Variants in LDAH observed in about 807,000 individuals in gnomAD.
LDAH encodes the protein lipid droplet associated hydrolase, also known as lipid droplet-associated hydrolase.
Under a neutral mutation model 29.6 loss-of-function variants are expected in LDAH, and 26 were observed. The ratio of observed to expected loss-of-function variants is 0.88; its 90% confidence interval spans 0.64 to 1.22. The LOEUF is 1.22. Ranked by LOEUF, LDAH falls within the 50% of genes most tolerant of loss-of-function variation. The pLI is 0.00. For synonymous variants in LDAH, 117 were observed against 133.0 expected, an observed-to-expected ratio of 0.88 and a Z score of 0.83; for missense variants, 344 against 387.3, an observed-to-expected ratio of 0.89 and a Z score of 0.94.
chr2:20,726,706 G>C (rs148305966), intron 5 of LDAH, among the ~76,000 whole-genome samples: 1 of 152,246 alleles, frequency 6.6e-6, no homozygotes, highest in East Asian at 1.9e-4. Context: ...ATGTTTCGTA[G>C]TCAACATAGT....
intron 4 of LDAH, among the ~76,000 whole-genome samples, chr2:20,774,169 T>G (rs75831769): frequency 6.6e-6 from 1 of 152,264 alleles, no homozygotes; most frequent in South Asian, 2.1e-4. Flanking sequence ...ACAATTTTTT[T>G]GTTTTGTTTT....
intron 1 of LDAH, among the ~76,000 whole-genome samples, chr2:20,817,781 A>C (rs944339292): frequency 1.3e-5 from 2 of 152,186 alleles, no homozygotes; most frequent in African/African-American, 4.8e-5. Flanking sequence ...ATGGTTAAAC[A>C]AACTGTAGCA....
At chr2:20,724,861 G>A (rs1040262595) in intron 5 of LDAH, among the ~76,000 whole-genome samples, 2 of 152,202 alleles carry the variant, frequency 1.3e-5, no homozygotes, top group Admixed American at 1.3e-4. Flanking sequence ...CCACTAGTAT[G>A]ATTCATATTA....
chr2:20,804,703 T>C (rs558337662), intron 1 of LDAH, among the ~76,000 whole-genome samples: 1 of 152,316 alleles, frequency 6.6e-6, no homozygotes, highest in African/African-American at 2.4e-5. Flanking sequence ...TTTATTCTGT[T>C]AATTTAGTGA....
rs746137465 is a variant in LDAH at position 20,801,334 on chromosome 2, T to C, written c.130A>G (p.Lys44Glu). ...CCAGGAATAATGAAAATAAGCAGCT[T>C]AGGCCTTTTGACACTTTGATCATGA... ...LFHDQSVKRP[K>E]LLIFIIPGNP... is the part of the protein sequence containing the mutation. The change falls in exon 2 of 7, where the codon AAG becomes GAG. Residue 44 changes from lysine to glutamate, a missense_variant. Physicochemically the swap from Lys to Glu is moderately conservative, Grantham distance 56. Coordinates refer to ENST00000237822, the MANE Select transcript of LDAH (RefSeq NM_021925.4). 5 of 1,613,988 alleles carry C rather than the reference T, an allele frequency of 3.1e-6. No homozygotes were observed. Among genetic ancestry groups the C allele is most frequent in the African/African-American group, 1.3e-5 (1 of 74,936 alleles).
chr2:20,802,218 C>T (rs1470357066), intron 1 of LDAH, among the ~76,000 whole-genome samples: 1 of 151,954 alleles, frequency 6.6e-6, no homozygotes, highest in Non-Finnish European at 1.5e-5. Flanking sequence ...TACCACCACG[C>T]CTGGCTAATT....
At chr2:20,701,994 T>C (rs1663977610) in intron 5 of LDAH, among the ~76,000 whole-genome samples, 1 of 152,150 alleles carries the variant, frequency 6.6e-6, no homozygotes, top group African/African-American at 2.4e-5. Context: ...AAGTACAAAT[T>C]GTTACCAATA....
chr2:20,718,954 A>T (rs1360602108), intron 5 of LDAH, among the ~76,000 whole-genome samples: 1 of 150,824 alleles, frequency 6.6e-6, no homozygotes, highest in African/African-American at 2.4e-5. Context: ...TTTTTTAAAA[A>T]CTCTTAAAAC....
intron 1 of LDAH, among the ~76,000 whole-genome samples, chr2:20,821,263 TG>T (rs764036293): frequency 4.7e-4 from 72 of 152,338 alleles, no homozygotes; most frequent in South Asian, 2.5e-3. Context: ...ATCCCATTAC[TG>T]GGTATATACC....
chr2:20,699,394 T>C (rs1237265788), intron 6 of LDAH, among the ~76,000 whole-genome samples: 3 of 152,174 alleles, frequency 2.0e-5, no homozygotes, highest in Non-Finnish European at 2.9e-5. Context: ...AGTTTCCTTA[T>C]TTTCTCAAGC....
intron 5 of LDAH, among the ~76,000 whole-genome samples, chr2:20,704,938 C>T (rs35487064): frequency 0.06 from 9,173 of 152,252 alleles, 379 homozygotes; most frequent in East Asian, 0.13. Flanking sequence ...CAATCTTGGA[C>T]GGGTTGCTCT....
chr2:20,735,625 G>A (rs1261536588), intron 5 of LDAH, among the ~76,000 whole-genome samples: 1 of 151,870 alleles, frequency 6.6e-6, no homozygotes, highest in Admixed American at 6.6e-5. Context: ...CAGTCAAGTT[G>A]AGATTTTGTT....
At chr2:20,752,898 C>A (rs1285049225) in intron 4 of LDAH, among the ~76,000 whole-genome samples, 1 of 152,154 alleles carries the variant, frequency 6.6e-6, no homozygotes, top group Non-Finnish European at 1.5e-5. Flanking sequence ...CAGAAATTCA[C>A]CAAGTTGACA....
chr2:20,736,031 G>T (rs573857512), intron 5 of LDAH, among the ~76,000 whole-genome samples: 1 of 152,262 alleles, frequency 6.6e-6, no homozygotes, highest in Non-Finnish European at 1.5e-5. Context: ...GGAAAGAGAG[G>T]GGGTGCTTCA....
chr2:20,799,064 T>TAAG (rs1281785743), intron 2 of LDAH, among the ~76,000 whole-genome samples: 2 of 151,992 alleles, frequency 1.3e-5, no homozygotes, highest in African/African-American at 4.8e-5. Flanking sequence ...CTGTCTCTAC[T>TAAG]AAGACTACAA....
chr2:20,743,100 T>C (rs1361117244), intron 4 of LDAH, among the ~76,000 whole-genome samples: 1 of 152,144 alleles, frequency 6.6e-6, no homozygotes, highest in Admixed American at 6.6e-5. Flanking sequence ...TCAAAGTGAT[T>C]ACTGGTAGTT....
At chr2:20,696,154 C>T (rs985653684) in intron 6 of LDAH, among the ~76,000 whole-genome samples, 18 of 152,330 alleles carry the variant, frequency 1.2e-4, no homozygotes, top group African/African-American at 3.8e-4. Flanking sequence ...CGAGGCTTGG[C>T]GGAAAGGCAG....
chr2:20,708,903 A>G (rs1664501126), intron 5 of LDAH, among the ~76,000 whole-genome samples: 1 of 152,218 alleles, frequency 6.6e-6, no homozygotes, highest in South Asian at 2.1e-4. Flanking sequence ...AAAGAATGGG[A>G]AAAGATCATA....
At chr2:20,768,578 CAGGCCGGCAG>C (rs1669201746) in intron 4 of LDAH, among the ~76,000 whole-genome samples, 1 of 152,188 alleles carries the variant, frequency 6.6e-6, no homozygotes, top group East Asian at 1.9e-4. Flanking sequence ...GCATAGGATC[CAGGCCGGCAG>C]CATGAGCTGA....
Sources: allele counts gnomAD v4.1 joint callset (sites outside exome capture counted in the v4.1 genomes callset), GRCh38; gene constraint gnomAD v4.1.1; transcripts MANE v1.5; gene names NCBI Gene and HGNC (gene_info 2026-07-23, HGNC 2026-07-21).